BRINP2: variants seen among roughly 807,000 people sequenced by gnomAD.
The protein encoded by BRINP2 is BMP/retinoic acid inducible neural specific 2, also known as BMP/retinoic acid-inducible neural-specific protein 2.
BRINP2 carries 21 observed loss-of-function variants against 69.2 expected under a neutral mutation model. That is an observed-to-expected ratio of 0.30 (90% CI 0.22 to 0.44). The LOEUF is 0.44. Ranked by LOEUF, BRINP2 falls within the 20% of genes least tolerant of loss-of-function variation. The probability of loss-of-function intolerance (pLI) is 1.00; values close to 1 mark genes in which losing one functional copy is unlikely to be tolerated. For synonymous variants in BRINP2, 380 were observed against 394.1 expected (o/e 0.96, Z 0.42); for missense variants, 877 against 986.0 (o/e 0.89, Z 1.48).
At chr1:177,215,393 A>C (rs1290019291) in intron 1 of BRINP2, among the ~76,000 whole-genome samples, 2 of 152,174 alleles carry the variant, frequency 1.3e-5, no homozygotes, top group Non-Finnish European at 2.9e-5. Context: ...AACATGGGCT[A>C]TCTCTTATTT....
chr1:177,226,822 C>A (rs1649705607), intron 1 of BRINP2, among the ~76,000 whole-genome samples: 1 of 152,144 alleles, frequency 6.6e-6, no homozygotes, highest in African/African-American at 2.4e-5. Context: ...CTAGCAATTG[C>A]TCTCAGATTC....
At chr1:177,207,460 T>A (rs1420379135) in intron 1 of BRINP2, among the ~76,000 whole-genome samples, 3 of 152,126 alleles carry the variant, frequency 2.0e-5, no homozygotes, top group African/African-American at 7.2e-5. Flanking sequence ...GGAAGTCCTG[T>A]GTGGATAACA....
intron 1 of BRINP2, among the ~76,000 whole-genome samples, chr1:177,212,757 A>G (rs939513723): frequency 6.6e-6 from 1 of 152,170 alleles, no homozygotes; most frequent in Non-Finnish European, 1.5e-5. Context: ...TCACCAGCAC[A>G]CTACTGTTTG....
In BRINP2 at chr1:177,230,238, T is replaced by C. The variant is rs182854673; in HGVS notation, c.269+93T>C. 3,309 of 1,380,016 alleles carry C rather than the reference T, an allele frequency of 2.4e-3. 141 individuals are homozygous for C. The Admixed American group carries it at 0.074, about 31-fold the overall frequency. 85.5% of individuals were successfully genotyped at this position (1,380,016 alleles called of 1,614,324 possible). On this transcript the variant is annotated intron_variant, in intron 2 of 7. Transcript: ENST00000361539. Reference sequence around the variant, plus strand: ...TGCTGGCCCAAACCCCTAAACAGGCTGGAATGCCCTCAAACTGAGCTAGAG... The same window carrying C: ...TGCTGGCCCAAACCCCTAAACAGGCCGGAATGCCCTCAAACTGAGCTAGAG...
intron 1 of BRINP2, among the ~76,000 whole-genome samples, chr1:177,172,959 G>A (rs1647979910): frequency 6.6e-6 from 1 of 152,176 alleles, no homozygotes. Context: ...TGTGCATGTT[G>A]AAGTGACTCT....
At chr1:177,189,245 A>T (rs1648518206) in intron 1 of BRINP2, among the ~76,000 whole-genome samples, 1 of 152,214 alleles carries the variant, frequency 6.6e-6, no homozygotes, top group South Asian at 2.1e-4. Flanking sequence ...GCTGAAAAAA[A>T]AAAGGTACTT....
At chr1:177,216,200 A>C (rs1437287616) in intron 1 of BRINP2, among the ~76,000 whole-genome samples, 3 of 151,598 alleles carry the variant, frequency 2.0e-5, no homozygotes, top group African/African-American at 7.3e-5. Context: ...TTCTTCCTCC[A>C]TTTCTGTCTT....
intron 1 of BRINP2, among the ~76,000 whole-genome samples, chr1:177,220,642 G>C (rs569974013): frequency 6.6e-6 from 1 of 152,138 alleles, no homozygotes. Context: ...GTGTTTCTTT[G>C]TAGCAATGCA....
rs1367153070 is a variant in BRINP2, at chr1:177,281,369, T to G, written c.2193T>G (p.Ser731=). ...IELRDRVNQL[S]PPGKVRLDLF... ...TCAGGGACCGGGTGAACCAGCTTTC[T>G]CCACCTGGCAAAGTCCGACTTGACC... The change falls in exon 8 of 8, where the codon TCT becomes TCG. Residue 731 remains serine, a synonymous_variant. Transcript: ENST00000361539. 6.2e-7 allele frequency: 1 copy of G among 1,614,162 alleles called. No individual in the cohort carries two copies. Among genetic ancestry groups the G allele is most frequent in the African/African-American group, 1.3e-5 (1 of 75,034 alleles).
chr1:177,222,520 C>T (rs951349693), intron 1 of BRINP2, among the ~76,000 whole-genome samples: 1 of 152,054 alleles, frequency 6.6e-6, no homozygotes, highest in African/African-American at 2.4e-5. Context: ...CCAGGTTGGC[C>T]AGGCTGGTCT....
intron 1 of BRINP2, among the ~76,000 whole-genome samples, chr1:177,190,277 C>T (rs1648550142): frequency 6.6e-6 from 1 of 152,148 alleles, no homozygotes. Context: ...GAACCTGTCT[C>T]TCTCCTCACT....
chr1:177,248,984 T>C (rs1650491974), intron 2 of BRINP2, among the ~76,000 whole-genome samples: 1 of 152,148 alleles, frequency 6.6e-6, no homozygotes, highest in African/African-American at 2.4e-5. Context: ...CAGGGCCCCT[T>C]TGGATTTTAG....
intron 1 of BRINP2, among the ~76,000 whole-genome samples, chr1:177,208,480 G>A (rs1649125735): frequency 6.6e-6 from 1 of 152,306 alleles, no homozygotes; most frequent in South Asian, 2.1e-4. Flanking sequence ...ATCCCCTGGT[G>A]TGGTGACGGC....
intron 1 of BRINP2, among the ~76,000 whole-genome samples, chr1:177,195,922 G>A (rs972239657): frequency 1.3e-5 from 2 of 152,140 alleles, no homozygotes; most frequent in African/African-American, 4.8e-5. Flanking sequence ...AGGGTTTGGT[G>A]TACTCCCCTC....
In BRINP2 at chr1:177,257,199, G is replaced by T; in HGVS notation, c.484G>T (p.Val162Leu). 1 of 1,614,058 alleles carries T rather than the reference G, an allele frequency of 6.2e-7. No individual in the cohort carries two copies. The highest frequency in any genetic ancestry group is 8.5e-7 in the Non-Finnish European group (1 of 1,180,018). Residue 162 changes from valine to leucine, a missense_variant, in exon 4 of 8, where the codon GTG becomes TTG. Physicochemically the swap from Val to Leu is conservative, Grantham distance 32 (BLOSUM62 1). Coordinates refer to ENST00000361539, the MANE Select transcript of BRINP2 (RefSeq NM_021165.4). ...LGGEESLTIF[V>L]DKQKLGRKTE... ...AGGAGAAGAGTCCCTGACCATTTTT[G>T]TGGACAAGCAGAAACTGGGAAGAAA... is the stretch of plus-strand genomic sequence containing the variant.
chr1:177,256,271 C>G, intron 3 of BRINP2, 162 bp downstream of exon 3: 1 of 974,462 alleles, frequency 1.0e-6, no homozygotes. Context: ...CTTGACATCT[C>G]AATTTACCCC....
rs1651582564 is a variant in BRINP2 at position 177,278,640 on chromosome 1, A to G, written c.1090A>G (p.Met364Val). 4 of 1,614,208 alleles carry G rather than the reference A, an allele frequency of 2.5e-6. No individual in the cohort carries two copies. The East Asian group carries it at 8.9e-5, about 36-fold the overall frequency. Residue 364 changes from methionine to valine, a missense_variant, in exon 7 of 8, where the codon ATG becomes GTG. Physicochemically the swap from Met to Val is conservative, Grantham distance 21. Coordinates refer to ENST00000361539, the MANE Select transcript of BRINP2 (RefSeq NM_021165.4). ...NSTAISQFWA[M>V]DTSLQHRYQQ... ...CACAGCTATCTCCCAGTTCTGGGCC[A>G]TGGACACCAGCCTTCAGCACCGCTA...
chr1:177,238,554 C>G (rs539828358), intron 2 of BRINP2, among the ~76,000 whole-genome samples: 19 of 152,268 alleles, frequency 1.2e-4, no homozygotes, highest in African/African-American at 3.4e-4. Context: ...AGAAGCGTTT[C>G]CCATTGCAGG....
At position 177,281,587 on chromosome 1, in the gene BRINP2, T is replaced by G; in HGVS notation, c.*59T>G. 1 of 1,520,840 alleles carries G rather than the reference T, an allele frequency of 6.6e-7. No homozygotes were observed. The highest frequency in any genetic ancestry group is 8.8e-7 in the Non-Finnish European group (1 of 1,140,982). The allele number at this position is 1,520,840 out of a possible 1,614,324, so 94.2% of individuals were successfully genotyped here. On this transcript the variant is annotated 3_prime_UTR_variant, in exon 8 of 8. Coordinates refer to ENST00000361539, the MANE Select transcript of BRINP2 (RefSeq NM_021165.4). The stretch of plus-strand genomic sequence containing the variant: ...GATCCATGAATCTGGGGTACAAAGA[T>G]AATCTAAGCCCTCACCTTAGTGCCA...
Sources: allele counts gnomAD v4.1 joint callset (sites outside exome capture counted in the v4.1 genomes callset), GRCh38; gene constraint gnomAD v4.1.1; transcripts MANE v1.5; gene names NCBI Gene and HGNC (gene_info 2026-07-23, HGNC 2026-07-21).